DKK1: variants seen among roughly 807,000 people sequenced by gnomAD.
The protein encoded by DKK1 is dickkopf-related protein 1.
Under a neutral mutation model 26.0 loss-of-function variants are expected in DKK1, and 18 were observed. That is an observed-to-expected ratio of 0.69 (90% CI 0.48 to 1.03). The LOEUF (loss-of-function observed/expected upper bound fraction) is 1.03, where lower values mean the gene tolerates loss of function less well. DKK1 is among the 50% of genes least tolerant of loss of function. The pLI, the probability that DKK1 is intolerant of heterozygous loss-of-function variation, is 0.00. For missense variants in DKK1, 335 were observed against 348.5 expected, an observed-to-expected ratio of 0.96 and a Z score of 0.31; for synonymous variants, 130 against 132.6, an observed-to-expected ratio of 0.98 and a Z score of 0.13.
At position 52,314,574 on chromosome 10, in the gene DKK1, C is replaced by T. The variant is rs2132486032; in HGVS notation, c.140C>T (p.Pro47Leu). The change falls in exon 1 of 4, where the codon CCA (proline) becomes CTA (leucine). Residue 47 changes from proline to leucine, a missense_variant. Transcript: ENST00000373970. The surrounding 1 kb of genome is among the most constrained non-coding windows in gnomAD (Gnocchi z 5.7). ...TCCAACGCTATCAAGAACCTGCCCC[C>T]ACCGCTGGGCGGCGCTGCGGGGCAC... ...LNSNAIKNLP[P>L]PLGGAAGHPG... 3 of 1,613,622 alleles carry T rather than the reference C, an allele frequency of 1.9e-6. No individual in the cohort carries two copies. The highest frequency in any genetic ancestry group is 2.5e-6 in the Non-Finnish European group (3 of 1,179,992).
chr10:52,315,154 G>A lies in DKK1; in HGVS notation c.406+69G>A, dbSNP rs11001559. ...TTGAGCGTCTATGAATTGGGCGGGG[G>A]CGGGGGGTTGGGGGGGGTGGGGGGA... On this transcript the variant is annotated intron_variant, in intron 2 of 3. Coordinates refer to ENST00000373970, the MANE Select transcript of DKK1 (RefSeq NM_012242.4). 740 of 681,088 alleles carry A rather than the reference G, an allele frequency of 1.1e-3. 10 individuals carry two copies. The African/African-American group carries it at 0.013, about 12-fold the overall frequency. The allele number at this position is 681,088 out of a possible 1,614,324, so 42.2% of individuals were successfully genotyped here.
In DKK1 at chr10:52,314,788, C is replaced by T; in HGVS notation, c.243+111C>T. On this transcript the variant is annotated intron_variant, in intron 1 of 3. Transcript: ENST00000373970. The surrounding 1 kb of genome is among the most constrained non-coding windows in gnomAD (Gnocchi z 5.7). ...GCGGTTCAGGGAGCATTTGGTAACC[C>T]TGCATTTGGGAGCAGTGGGCAGTAA... 1 of 1,519,258 alleles carries T rather than the reference C, an allele frequency of 6.6e-7. No individual in the cohort carries two copies. Among genetic ancestry groups the T allele is most frequent in the Non-Finnish European group, 8.8e-7 (1 of 1,131,244 alleles). The allele number at this position is 1,519,258 out of a possible 1,614,324, so 94.1% of individuals were successfully genotyped here.
Position 52,314,782 on chromosome 10 carries a change from G to C in DKK1, c.243+105G>C, listed in dbSNP as rs988182645. The C allele has an allele frequency of 2.9e-5, 44 of 1,528,910 alleles. No homozygotes were observed. The highest frequency in any genetic ancestry group is 3.6e-5 in the Non-Finnish European group (41 of 1,136,248). The allele number at this position is 1,528,910 out of a possible 1,614,324, so 94.7% of individuals were successfully genotyped here. A position where few individuals can be genotyped will look rare whatever the true frequency, so the allele number is the denominator to read the frequency against. ...ATGTGTGCGGTTCAGGGAGCATTTG[G>C]TAACCCTGCATTTGGGAGCAGTGGG... On this transcript the variant is annotated intron_variant, in intron 1 of 3. Coordinates refer to ENST00000373970, the MANE Select transcript of DKK1 (RefSeq NM_012242.4). This position sits in a 1 kb window ranked among gnomAD's most constrained non-coding sequence, Gnocchi z 5.7.
chr10:52,314,533 G>C lies in DKK1; in HGVS notation c.99G>C (p.Leu33Phe). The C allele has an allele frequency of 1.2e-6, 2 of 1,613,840 alleles. No homozygotes were observed. The highest frequency in any genetic ancestry group is 1.7e-6 in the Non-Finnish European group (2 of 1,180,012). ...CTCTGCTGGGAGTGAGCGCCACCTTGAACTCGGTTCTCAATTCCAACGCTA... is the reference window on the plus strand; with the variant it reads ...CTCTGCTGGGAGTGAGCGCCACCTTCAACTCGGTTCTCAATTCCAACGCTA... Reference protein sequence around the residue: ...GHPLLGVSATLNSVLNSNAIK... With the variant: ...GHPLLGVSATFNSVLNSNAIK... The change falls in exon 1 of 4, where the codon TTG becomes TTC. Residue 33 changes from leucine to phenylalanine, a missense_variant. Physicochemically the swap from Leu to Phe is conservative, Grantham distance 22. Coordinates refer to ENST00000373970, the MANE Select transcript of DKK1 (RefSeq NM_012242.4). The surrounding 1 kb of genome is among the most constrained non-coding windows in gnomAD (Gnocchi z 5.7).
At position 52,317,060 on chromosome 10, in the gene DKK1, T is replaced by C; in HGVS notation, c.*253T>C. 2.1e-6 allele frequency: 1 copy of C among 473,966 alleles called. No individual in the cohort carries two copies. Among genetic ancestry groups the C allele is most frequent in the Non-Finnish European group, 3.7e-6 (1 of 267,422 alleles). 29.4% of individuals were successfully genotyped at this position (473,966 alleles called of 1,614,324 possible). A position where few individuals can be genotyped will look rare whatever the true frequency, so the allele number is the denominator to read the frequency against. ...GTAAATGCAATGAAACTTTTAATTA[T>C]TTTTCTAAAGGTGCTGCACTGCCTA... On this transcript the variant is annotated 3_prime_UTR_variant, in exon 4 of 4. Coordinates refer to ENST00000373970, the MANE Select transcript of DKK1 (RefSeq NM_012242.4).
chr10:52,316,202 A>G (rs558306852), intron 2 of DKK1, 93 bp from the exon 3 acceptor site: 1 of 1,473,094 alleles, frequency 6.8e-7, no homozygotes, highest in East Asian at 2.3e-5. Flanking sequence ...AAGTATCTCA[A>G]GTTGATGCTG....
In DKK1 at chr10:52,317,542, A is replaced by T. The variant is rs1042052619; in HGVS notation, c.*735A>T. On this transcript the variant is annotated 3_prime_UTR_variant, in exon 4 of 4. Coordinates refer to ENST00000373970, the MANE Select transcript of DKK1 (RefSeq NM_012242.4). ...TAAGACAATATTGATCAGCTCTAGA[A>T]TAACTTTAAAGAAAGACGTGTTCTG... is the stretch of plus-strand genomic sequence containing the variant. 1.3e-5 allele frequency: 2 copies of T among 152,196 alleles called. No homozygotes were observed. Among genetic ancestry groups the T allele is most frequent in the Admixed American group, 1.3e-4 (2 of 15,272 alleles). 9.4% of individuals were successfully genotyped at this position (152,196 alleles called of 1,614,324 possible). A position where few individuals can be genotyped will look rare whatever the true frequency, so the allele number is the denominator to read the frequency against.
Position 52,316,908 on chromosome 10 carries a change from G to A in DKK1, c.*101G>A. On this transcript the variant is annotated 3_prime_UTR_variant, in exon 4 of 4. Coordinates refer to ENST00000373970, the MANE Select transcript of DKK1 (RefSeq NM_012242.4). ...AATCCTAAGGATATACAAGTTCTGTGGTTTCAGTTAAGCATTCCAATAACA... is the reference window on the plus strand; with the variant it reads ...AATCCTAAGGATATACAAGTTCTGTAGTTTCAGTTAAGCATTCCAATAACA... The A allele has an allele frequency of 1.4e-6, 2 of 1,401,108 alleles. No homozygotes were observed. Among genetic ancestry groups the A allele is most frequent in the Non-Finnish European group, 1.9e-6 (2 of 1,034,126 alleles). The allele number at this position is 1,401,108 out of a possible 1,614,324, so 86.8% of individuals were successfully genotyped here.
rs1399566711 is a variant in DKK1 at position 52,316,396 on chromosome 10, A to G, written c.508A>G (p.Arg170Gly). The G allele has an allele frequency of 9.3e-6, 15 of 1,614,066 alleles. No individual in the cohort carries two copies. The highest frequency in any genetic ancestry group is 1.1e-5 in the Non-Finnish European group (13 of 1,180,034). Reference sequence around the variant, plus strand: ...TCATAGCACCTTGGATGGGTATTCCAGAAGAACCACCTTGTCTTCAAAAAT... The same window carrying G: ...TCATAGCACCTTGGATGGGTATTCCGGAAGAACCACCTTGTCTTCAAAAAT... Reference protein sequence around the residue: ...NDHSTLDGYSRRTTLSSKMYH... With the variant: ...NDHSTLDGYSGRTTLSSKMYH... The change falls in exon 3 of 4, where the codon AGA (arginine) becomes GGA (glycine). Residue 170 changes from arginine to glycine, a missense_variant. Physicochemically the swap from Arg to Gly is moderately radical, Grantham distance 125 (BLOSUM62 -2). Transcript: ENST00000373970.
At position 52,317,516 on chromosome 10, in the gene DKK1, A is replaced by G. The variant is rs563617639; in HGVS notation, c.*709A>G. 1 of 152,374 alleles carries G rather than the reference A, an allele frequency of 6.6e-6. No homozygotes were observed. Among genetic ancestry groups the G allele is most frequent in the South Asian group, 2.1e-4 (1 of 4,830 alleles). 9.4% of individuals were successfully genotyped at this position (152,374 alleles called of 1,614,324 possible). A position where few individuals can be genotyped will look rare whatever the true frequency, so the allele number is the denominator to read the frequency against. Reference sequence around the variant, plus strand: ...ATCAGAGAAAAGACAGTGTCTAAATATAAGACAATATTGATCAGCTCTAGA... The same window carrying G: ...ATCAGAGAAAAGACAGTGTCTAAATGTAAGACAATATTGATCAGCTCTAGA... On this transcript the variant is annotated 3_prime_UTR_variant, in exon 4 of 4. Coordinates refer to ENST00000373970, the MANE Select transcript of DKK1 (RefSeq NM_012242.4).
At position 52,316,503 on chromosome 10, in the gene DKK1, C is replaced by A. The variant is rs1034950877; in HGVS notation, c.548-51C>A. 17 of 1,609,442 alleles carry A rather than the reference C, an allele frequency of 1.1e-5. No homozygotes were observed. The East Asian group carries it at 1.6e-4, about 15-fold the overall frequency. On this transcript the variant is annotated intron_variant, in intron 3 of 3. Coordinates refer to ENST00000373970, the MANE Select transcript of DKK1 (RefSeq NM_012242.4). ...TTTGAATTATTTTAGTGAAACGATG[C>A]AGGTTTAACAGTAACTATGTACTTT...
chr10:52,314,561 A>G lies in DKK1; in HGVS notation c.127A>G (p.Lys43Glu), dbSNP rs1842596964. The G allele has an allele frequency of 6.2e-7, 1 of 1,613,560 alleles. No homozygotes were observed. The change falls in exon 1 of 4, where the codon AAG becomes GAG. Residue 43 changes from lysine (K) to glutamate (E), a missense_variant. Transcript: ENST00000373970. This position sits in a 1 kb window ranked among gnomAD's most constrained non-coding sequence, Gnocchi z 5.7. Reference sequence around the variant, plus strand: ...CTCGGTTCTCAATTCCAACGCTATCAAGAACCTGCCCCCACCGCTGGGCGG... The same window carrying G: ...CTCGGTTCTCAATTCCAACGCTATCGAGAACCTGCCCCCACCGCTGGGCGG... ...LNSVLNSNAI[K>E]NLPPPLGGAA...
rs1223272551 is a variant in DKK1, at chr10:52,316,440, G to A, written c.547+5G>A. On this transcript the variant is annotated splice_donor_5th_base_variant and intron_variant, in intron 3 of 3. Coordinates refer to ENST00000373970, the MANE Select transcript of DKK1 (RefSeq NM_012242.4). ...CAAAAATGTATCACACCAAAGGTAAGGATGTTAAGACTCATTCTTAGCACA... is the reference window on the plus strand; with the variant it reads ...CAAAAATGTATCACACCAAAGGTAAAGATGTTAAGACTCATTCTTAGCACA... 2 of 1,613,902 alleles carry A rather than the reference G, an allele frequency of 1.2e-6. No homozygotes were observed. Among genetic ancestry groups the A allele is most frequent in the Admixed American group, 1.7e-5 (1 of 59,994 alleles).
At position 52,316,579 on chromosome 10, in the gene DKK1, G is replaced by A; in HGVS notation, c.573G>A (p.Arg191=). ...TKGQEGSVCL[R]SSDCASGLCC... ...GACAAGAAGGTTCTGTTTGTCTCCGGTCATCAGACTGTGCCTCAGGATTGT... is the reference window on the plus strand; with the variant it reads ...GACAAGAAGGTTCTGTTTGTCTCCGATCATCAGACTGTGCCTCAGGATTGT... Residue 191 remains arginine (R), a synonymous_variant, in exon 4 of 4, where the codon CGG becomes CGA. Coordinates refer to ENST00000373970, the MANE Select transcript of DKK1 (RefSeq NM_012242.4). 1.9e-6 allele frequency: 3 copies of A among 1,613,958 alleles called. No individual in the cohort carries two copies. The highest frequency in any genetic ancestry group is 2.5e-6 in the Non-Finnish European group (3 of 1,179,996).
chr10:52,314,545 C>T lies in DKK1; in HGVS notation c.111C>T (p.Leu37=), dbSNP rs368619028. ...TGAGCGCCACCTTGAACTCGGTTCT[C>T]AATTCCAACGCTATCAAGAACCTGC... The part of the protein sequence containing the change: ...LGVSATLNSV[L]NSNAIKNLPP... The change falls in exon 1 of 4, where the codon CTC becomes CTT. Residue 37 remains leucine, a synonymous_variant. Coordinates refer to ENST00000373970, the MANE Select transcript of DKK1 (RefSeq NM_012242.4). This position sits in a 1 kb window ranked among gnomAD's most constrained non-coding sequence, Gnocchi z 5.7. 4.4e-5 allele frequency: 71 copies of T among 1,613,696 alleles called. No homozygotes were observed. Among genetic ancestry groups the T allele is most frequent in the Non-Finnish European group, 5.7e-5 (67 of 1,180,014 alleles).
Position 52,314,720 on chromosome 10 carries a change from G to A in DKK1, c.243+43G>A. ...CTCAGAGGATGCTCTGACCTTGAAA[G>A]GGTCCTATCTGGAGACGAGGGAGTA... On this transcript the variant is annotated intron_variant, in intron 1 of 3. Coordinates refer to ENST00000373970, the MANE Select transcript of DKK1 (RefSeq NM_012242.4). The surrounding 1 kb of genome is among the most constrained non-coding windows in gnomAD (Gnocchi z 5.7). 6.2e-7 allele frequency: 1 copy of A among 1,601,832 alleles called. No individual in the cohort carries two copies. Among genetic ancestry groups the A allele is most frequent in the East Asian group, 2.2e-5 (1 of 44,654 alleles).
At position 52,316,568 on chromosome 10, in the gene DKK1, G is replaced by A. The variant is rs1168273292; in HGVS notation, c.562G>A (p.Val188Ile). The A allele has an allele frequency of 1.9e-6, 3 of 1,614,006 alleles. No individual in the cohort carries two copies. Among genetic ancestry groups the A allele is most frequent in the Non-Finnish European group, 2.5e-6 (3 of 1,180,004 alleles). The change falls in exon 4 of 4, where the codon GTT becomes ATT. Residue 188 changes from valine to isoleucine, a missense_variant. Coordinates refer to ENST00000373970, the MANE Select transcript of DKK1 (RefSeq NM_012242.4). ...MYHTKGQEGS[V>I]CLRSSDCASG... Reference sequence around the variant, plus strand: ...CTCCTTCGTAGGACAAGAAGGTTCTGTTTGTCTCCGGTCATCAGACTGTGC... The same window carrying A: ...CTCCTTCGTAGGACAAGAAGGTTCTATTTGTCTCCGGTCATCAGACTGTGC...
At chr10:52,315,772 G>C (rs578183059) in intron 2 of DKK1, among the ~76,000 whole-genome samples, 1 of 152,114 alleles carries the variant, frequency 6.6e-6, no homozygotes, top group Non-Finnish European at 1.5e-5. Context: ...ACAGGGCGAC[G>C]ACCCTCCTTA....
chr10:52,317,177 T>G lies in DKK1; in HGVS notation c.*370T>G, dbSNP rs2132487984. On this transcript the variant is annotated 3_prime_UTR_variant, in exon 4 of 4. Coordinates refer to ENST00000373970, the MANE Select transcript of DKK1 (RefSeq NM_012242.4). ...TTGAACTGAAGTAAATCATTTCAGCTTATAGTTCTTAAAAGCATAACCCTT... is the reference window on the plus strand; with the variant it reads ...TTGAACTGAAGTAAATCATTTCAGCGTATAGTTCTTAAAAGCATAACCCTT... 5.1e-6 allele frequency: 1 copy of G among 197,824 alleles called. No homozygotes were observed. Among genetic ancestry groups the G allele is most frequent in the Admixed American group, 5.3e-5 (1 of 18,830 alleles). 12.3% of individuals were successfully genotyped at this position (197,824 alleles called of 1,614,324 possible). A position where few individuals can be genotyped will look rare whatever the true frequency, so the allele number is the denominator to read the frequency against.
Sources: gnomAD v4.1 joint callset for allele counts (sites outside exome capture counted in the v4.1 genomes callset) on GRCh38, gnomAD v4.1.1 for gene constraint, Gnocchi (gnomAD v3.1) non-coding constraint, MANE v1.5 for transcripts, NCBI Gene and HGNC (gene_info 2026-07-23, HGNC 2026-07-21) for gene names.